The following ALK variants were observed in gnomAD, a reference collection of about 807,000 sequenced individuals.
ALK encodes ALK receptor tyrosine kinase.
ALK carries 74 observed loss-of-function variants against 163.1 expected under a neutral mutation model. The ratio of observed to expected loss-of-function variants is 0.45; its 90% CI spans 0.38 to 0.55. The LOEUF (loss-of-function observed/expected upper bound fraction) is 0.55. Ranked by LOEUF, ALK falls within the 20% of genes least tolerant of loss-of-function variation. The pLI, the probability that ALK is intolerant of heterozygous loss-of-function variation, is 0.00. For synonymous variants in ALK, 960 were observed against 843.2 expected (o/e 1.14, Z -2.40); for missense variants, 2,063 against 2,105.3 (o/e 0.98, Z 0.39).
intron 12 of ALK, among the ~76,000 whole-genome samples, chr2:29,244,092 C>T (rs13430848): frequency 0.11 from 16,520 of 152,260 alleles, 1,317 homozygotes; most frequent in African/African-American, 0.22. Flanking sequence ...TGTAGCACAT[C>T]CACAGTGTCC....
intron 4 of ALK, among the ~76,000 whole-genome samples, chr2:29,499,960 G>C (rs1672125270): frequency 1.3e-5 from 2 of 152,036 alleles, no homozygotes; most frequent in African/African-American, 2.4e-5. Context: ...TCATCACCCA[G>C]TCACCAACAC....
intron 3 of ALK, among the ~76,000 whole-genome samples, chr2:29,588,108 C>G (rs1168007626): frequency 6.6e-6 from 1 of 152,200 alleles, no homozygotes; most frequent in Non-Finnish European, 1.5e-5. Context: ...TGCATCCCAG[C>G]TTTTCTGGGA....
intron 1 of ALK, among the ~76,000 whole-genome samples, chr2:29,831,795 C>A (rs930425743): frequency 4.6e-5 from 7 of 152,112 alleles, no homozygotes; most frequent in Admixed American, 3.3e-4. Context: ...CAAATGAGGT[C>A]ATTCATATTT....
intron 3 of ALK, among the ~76,000 whole-genome samples, chr2:29,588,956 C>G (rs188876663): frequency 2.8e-4 from 43 of 152,280 alleles, no homozygotes; most frequent in African/African-American, 9.9e-4. Context: ...GGTGAACAAG[C>G]CCCTCGCTCC....
chr2:29,361,026 C>T (rs1239870128), intron 5 of ALK, among the ~76,000 whole-genome samples: 2 of 152,174 alleles, frequency 1.3e-5, no homozygotes, highest in African/African-American at 4.8e-5. Flanking sequence ...TGAGGGAGGC[C>T]CCGAGGCCAT....
At chr2:29,775,545 A>C (rs541912664) in intron 1 of ALK, among the ~76,000 whole-genome samples, 24 of 152,156 alleles carry the variant, frequency 1.6e-4, no homozygotes, top group Middle Eastern at 3.4e-3. Context: ...TACAAAAAAA[A>C]AAAAACAAAA....
chr2:29,798,481 T>G (rs564094306), intron 1 of ALK, among the ~76,000 whole-genome samples: 1 of 152,368 alleles, frequency 6.6e-6, no homozygotes, highest in Non-Finnish European at 1.5e-5. Context: ...TTGAAGAGAT[T>G]TTGTGCTGGA....
intron 1 of ALK, among the ~76,000 whole-genome samples, chr2:29,723,105 G>C (rs1679468327): frequency 6.6e-6 from 1 of 152,144 alleles, no homozygotes; most frequent in Admixed American, 6.5e-5. Flanking sequence ...CCCTGAAATA[G>C]CTTTCAAATT....
At chr2:29,401,888 C>T (rs1669454265) in intron 4 of ALK, among the ~76,000 whole-genome samples, 1 of 152,188 alleles carries the variant, frequency 6.6e-6, no homozygotes, top group Admixed American at 6.5e-5. Flanking sequence ...CCTGGTCTGA[C>T]ACGAAATTTA....
At chr2:29,299,317 C>G (rs577510946) in intron 8 of ALK, among the ~76,000 whole-genome samples, 1 of 152,156 alleles carries the variant, frequency 6.6e-6, no homozygotes, top group East Asian at 1.9e-4. Context: ...GTTTCTCATG[C>G]CCTGTCAAAA....
intron 1 of ALK, among the ~76,000 whole-genome samples, chr2:29,900,613 G>A (rs540891936): frequency 3.3e-4 from 51 of 152,316 alleles, no homozygotes; most frequent in African/African-American, 1.1e-3. Context: ...ATGTCTATCC[G>A]CAGTCAAAAT....
At chr2:29,596,266 C>T (rs560547927) in intron 3 of ALK, among the ~76,000 whole-genome samples, 3 of 152,312 alleles carry the variant, frequency 2.0e-5, no homozygotes, top group Admixed American at 6.5e-5. Context: ...CCCTATATTC[C>T]TATTGACAGC....
intron 1 of ALK, among the ~76,000 whole-genome samples, chr2:29,847,172 T>C (rs112459113): frequency 5.2e-4 from 79 of 152,300 alleles, no homozygotes; most frequent in African/African-American, 1.9e-3. Context: ...CCCTCCACGA[T>C]ACCTCGGTAT....
At position 29,830,577 on chromosome 2, in the gene ALK, A is replaced by G. The variant is rs553515226; in HGVS notation, c.667+89416T>C. On this transcript the variant is annotated intron_variant, in intron 1 of 28. Transcript: ENST00000389048. ...AGCATCACATGGAAACTTGTTAGAA[A>G]TGCAGAATACATTGGGCATGGTGGC... Among the ~76,000 whole-genome samples the G allele has an allele frequency of 2.0e-5, 3 of 152,090 alleles. No homozygotes were observed. The South Asian group carries it at 6.2e-4, about 32-fold the overall frequency.
intron 9 of ALK, among the ~76,000 whole-genome samples, chr2:29,277,319 C>A (rs181673821): frequency 2.2e-4 from 33 of 152,334 alleles, no homozygotes; most frequent in African/African-American, 7.2e-4. Flanking sequence ...CTCTGATCAA[C>A]GTGTAGAAGA....
intron 1 of ALK, among the ~76,000 whole-genome samples, chr2:29,846,523 G>T (rs1250996282): frequency 2.0e-5 from 3 of 152,220 alleles, no homozygotes; most frequent in Non-Finnish European, 2.9e-5. Context: ...AACATTTCTT[G>T]AGTGAATGAA....
At chr2:29,476,572 C>T (rs67459260) in intron 4 of ALK, among the ~76,000 whole-genome samples, 19,013 of 151,968 alleles carry the variant, frequency 0.13, 1,589 homozygotes, top group East Asian at 0.33. Context: ...GACAGGGTGT[C>T]GGTGGTAGAA....
chr2:29,227,719 A>G lies in ALK; in HGVS notation c.2816-47T>C, dbSNP rs1200672733. The G allele has an allele frequency of 1.4e-6, 2 of 1,447,314 alleles. No homozygotes were observed. Among genetic ancestry groups the G allele is most frequent in the Admixed American group, 3.3e-5 (2 of 59,800 alleles). 89.7% of individuals were successfully genotyped at this position (1,447,314 alleles called of 1,614,324 possible). A position where few individuals can be genotyped will look rare whatever the true frequency, so the allele number is the denominator to read the frequency against. On this transcript the variant is annotated intron_variant, in intron 16 of 28. Transcript: ENST00000389048. This position sits in a 1 kb window ranked among gnomAD's most constrained non-coding sequence, Gnocchi z 4.4. ...AGTTTAACATGGGGGGTGGGTGCCA[A>G]AATCTTAACACACACACACGTCAGT...
In ALK at chr2:29,848,767, C is replaced by T. The variant is rs192548490; in HGVS notation, c.667+71226G>A. On this transcript the variant is annotated intron_variant, in intron 1 of 28. Transcript: ENST00000389048. ...GTGAAGGTCTTGAGCACATATCCTG[C>T]GGGCTGTTGGCAGAAGCTGACTTAG... 2.2e-4 allele frequency among the ~76,000 whole-genome samples: 34 copies of T among 152,222 alleles called. No individual in the cohort carries two copies. The East Asian group carries it at 4.4e-3, about 20-fold the overall frequency.
Sources: gnomAD v4.1 joint callset for allele counts (sites outside exome capture counted in the v4.1 genomes callset) on GRCh38, gnomAD v4.1.1 for gene constraint, Gnocchi (gnomAD v3.1) non-coding constraint, MANE v1.5 for transcripts, NCBI Gene and HGNC (gene_info 2026-07-23, HGNC 2026-07-21) for gene names.